NALCN: variants seen among roughly 807,000 people sequenced by gnomAD.
NALCN encodes sodium leak channel, non-selective, also known as sodium leak channel NALCN.
A neutral mutation model predicts 225.3 loss-of-function variants in NALCN; 111 were observed. The ratio of observed to expected loss-of-function variants is 0.49; its 90% CI spans 0.42 to 0.58. NALCN has a LOEUF of 0.58. Among genes scored for constraint, NALCN ranks in the 20% least tolerant of loss-of-function variants. The pLI, the probability that NALCN is intolerant of heterozygous loss-of-function variation, is 0.00. For missense variants in NALCN, 1,378 were observed against 2,202.4 expected (o/e 0.63, Z 7.49); for synonymous variants, 764 against 769.0 (o/e 0.99, Z 0.11).
At chr13:101,216,798 T>C (rs2040752222) in intron 13 of NALCN, among the ~76,000 whole-genome samples, 1 of 152,172 alleles carries the variant, frequency 6.6e-6, no homozygotes, top group Non-Finnish European at 1.5e-5. Flanking sequence ...TAATTTTTAA[T>C]TATGTGTTTT....
rs528175270 is a variant in NALCN, at chr13:101,399,654, G to C, written c.-39-489C>G. On this transcript the variant is annotated intron_variant, in intron 1 of 43. Coordinates refer to ENST00000251127, the MANE Select transcript of NALCN (RefSeq NM_052867.4). ...TAGCCCCAAGTTGATCTCCCAACTT[G>C]GGAGGGGAGGGAGGTCAGAAAGAAT... Among the ~76,000 whole-genome samples, 63 of 152,274 alleles carry C rather than the reference G, an allele frequency of 4.1e-4. 1 individual carries two copies. Among genetic ancestry groups the C allele is most frequent in the African/African-American group, 1.4e-3 (59 of 41,568 alleles).
intron 1 of NALCN, among the ~76,000 whole-genome samples, chr13:101,412,655 G>C (rs1278084704): frequency 6.6e-6 from 1 of 152,190 alleles, no homozygotes; most frequent in Non-Finnish European, 1.5e-5. Context: ...ACTGATCTTA[G>C]AAAGGAAATT....
chr13:101,071,377 C>A (rs1258063533), intron 37 of NALCN, among the ~76,000 whole-genome samples: 1 of 152,168 alleles, frequency 6.6e-6, no homozygotes, highest in Non-Finnish European at 1.5e-5. Flanking sequence ...CATTGAAAAT[C>A]CATTGTTTAG....
intron 13 of NALCN, among the ~76,000 whole-genome samples, chr13:101,208,889 G>A (rs2040421254): frequency 6.6e-6 from 1 of 152,194 alleles, no homozygotes; most frequent in Non-Finnish European, 1.5e-5. Flanking sequence ...TTCCTGTACA[G>A]CCTGCAGAAT....
intron 9 of NALCN, 150 bp downstream of exon 9, chr13:101,291,840 G>A: frequency 6.6e-6 from 5 of 755,614 alleles, no homozygotes. Flanking sequence ...ATGAGCCACT[G>A]TGCCTGACTG....
intron 19 of NALCN, 92 bp downstream of exon 19, chr13:101,111,033 A>G: frequency 1.5e-6 from 2 of 1,301,080 alleles, no homozygotes; most frequent in Non-Finnish European, 2.2e-6. Context: ...TCTGGCAGCC[A>G]GGGCTGACAG....
intron 30 of NALCN, among the ~76,000 whole-genome samples, chr13:101,087,805 A>T (rs2034009395): frequency 6.6e-6 from 1 of 152,096 alleles, no homozygotes; most frequent in South Asian, 2.1e-4. Flanking sequence ...TGAACATTTT[A>T]TGTTGTTCTA....
At chr13:101,067,323 GAGGAGGGGGAA>G in intron 39 of NALCN, among the ~76,000 whole-genome samples, 1 of 94,848 alleles carries the variant, frequency 1.1e-5, no homozygotes, top group African/African-American at 4.5e-5. Context: ...GGAGGGGGAA[GAGGAGGGGGAA>G]GAAGAGGGGG....
At chr13:101,320,606 T>C (rs900392648) in intron 7 of NALCN, among the ~76,000 whole-genome samples, 1 of 152,154 alleles carries the variant, frequency 6.6e-6, no homozygotes, top group Non-Finnish European at 1.5e-5. Context: ...TTATATCCCA[T>C]TAGACAGTTT....
chr13:101,397,859 A>T (rs558342549), intron 2 of NALCN, among the ~76,000 whole-genome samples: 2 of 152,130 alleles, frequency 1.3e-5, no homozygotes, highest in African/African-American at 4.8e-5. Context: ...CTGTGGTGGA[A>T]ATAAGCCTTT....
chr13:101,321,765 T>C (rs1271487844), intron 7 of NALCN, among the ~76,000 whole-genome samples: 1 of 152,108 alleles, frequency 6.6e-6, no homozygotes, highest in African/African-American at 2.4e-5. Flanking sequence ...ATATATTCTA[T>C]GTAAACATAT....
At chr13:101,282,706 A>C (rs1272763659) in intron 10 of NALCN, among the ~76,000 whole-genome samples, 2 of 152,284 alleles carry the variant, frequency 1.3e-5, no homozygotes, top group African/African-American at 4.8e-5. Flanking sequence ...TGGGTGTGTT[A>C]ATTAGCTTGG....
chr13:101,286,710 C>A (rs1315271171), intron 9 of NALCN, among the ~76,000 whole-genome samples: 1 of 150,588 alleles, frequency 6.6e-6, no homozygotes, highest in Non-Finnish European at 1.5e-5. Flanking sequence ...TTTTTTTTTT[C>A]ATTTTACTGA....
rs139133334 is a variant in NALCN at position 101,215,766 on chromosome 13, A to G, written c.1626+13627T>C. On this transcript the variant is annotated intron_variant, in intron 13 of 43. Coordinates refer to ENST00000251127, the MANE Select transcript of NALCN (RefSeq NM_052867.4). The stretch of plus-strand genomic sequence containing the variant: ...CATGTGCACAACGTGCAGGTTTGTT[A>G]CATATGTATACATGTGCCACGTTGG... Among the ~76,000 whole-genome samples, 951 of 152,230 alleles carry G rather than the reference A, an allele frequency of 6.2e-3. 5 individuals are homozygous for G. The highest frequency in any genetic ancestry group is 0.022 in the African/African-American group (909 of 41,534).
At chr13:101,194,176 A>G (rs976479105) in intron 13 of NALCN, among the ~76,000 whole-genome samples, 3 of 152,044 alleles carry the variant, frequency 2.0e-5, no homozygotes, top group Non-Finnish European at 4.4e-5. Context: ...TGGGATTGTA[A>G]TCTGTTGTTG....
At chr13:101,112,143 T>G (rs572475185) in intron 18 of NALCN, among the ~76,000 whole-genome samples, 11 of 152,034 alleles carry the variant, frequency 7.2e-5, no homozygotes, top group African/African-American at 2.2e-4. Context: ...AACTGTACAC[T>G]TAGAAATGGT....
chr13:101,207,609 C>T (rs1467316617), intron 13 of NALCN, among the ~76,000 whole-genome samples: 1 of 152,100 alleles, frequency 6.6e-6, no homozygotes, highest in Admixed American at 6.6e-5. Flanking sequence ...ACTTGGAGAA[C>T]TTTTCTGTCT....
chr13:101,279,018 T>A (rs913631032), intron 10 of NALCN, among the ~76,000 whole-genome samples: 5 of 152,178 alleles, frequency 3.3e-5, no homozygotes, highest in African/African-American at 1.2e-4. Context: ...ACATAATTGA[T>A]CATCTCTCAT....
intron 15 of NALCN, among the ~76,000 whole-genome samples, chr13:101,165,019 C>T (rs549107020): frequency 1.3e-5 from 2 of 152,120 alleles, no homozygotes. Flanking sequence ...CTTCAGGGTA[C>T]GGTCCTCTCG....
Sources: allele counts gnomAD v4.1 joint callset (sites outside exome capture counted in the v4.1 genomes callset), GRCh38; gene constraint gnomAD v4.1.1; transcripts MANE v1.5; gene names NCBI Gene and HGNC (gene_info 2026-07-23, HGNC 2026-07-21).